Variants in ST3GAL2 observed in about 807,000 individuals in gnomAD.
ST3GAL2 encodes the protein ST3 beta-galactoside alpha-2,3-sialyltransferase 2.
In ST3GAL2, 16 loss-of-function variants were observed where a neutral mutation model predicts 37.5. That is an observed-to-expected ratio of 0.43 (90% CI 0.29 to 0.65). The LOEUF is 0.65. Among genes scored for constraint, ST3GAL2 ranks in the 30% least tolerant of loss-of-function variants. The pLI, the probability that ST3GAL2 is intolerant of heterozygous loss-of-function variation, is 0.17. For missense variants in ST3GAL2, 383 were observed against 487.8 expected (o/e 0.79, Z 2.02); for synonymous variants, 238 against 202.9 (o/e 1.17, Z -1.47).
At chr16:70,430,952 C>T (rs2047785689) in intron 1 of ST3GAL2, among the ~76,000 whole-genome samples, 1 of 152,124 alleles carries the variant, frequency 6.6e-6, no homozygotes, top group Admixed American at 6.6e-5. Context: ...TGCATCAAAT[C>T]GCTGGTGCTT....
chr16:70,412,010 T>A (rs969243825), intron 1 of ST3GAL2, among the ~76,000 whole-genome samples: 5 of 150,038 alleles, frequency 3.3e-5, no homozygotes, highest in African/African-American at 7.4e-5. Context: ...AAAAAAAAAA[T>A]AGTTAATTCA....
At chr16:70,421,114 T>C (rs2047711551) in intron 1 of ST3GAL2, among the ~76,000 whole-genome samples, 1 of 152,056 alleles carries the variant, frequency 6.6e-6, no homozygotes, top group African/African-American at 2.4e-5. Context: ...CCCTGGGAGG[T>C]GGGCTGGGGA....
chr16:70,428,610 G>A (rs1443682175), intron 1 of ST3GAL2, among the ~76,000 whole-genome samples: 1 of 152,118 alleles, frequency 6.6e-6, no homozygotes, highest in Non-Finnish European at 1.5e-5. Context: ...CCTCCCTCTT[G>A]GACACAATCC....
At chr16:70,428,001 C>T (rs2047763264) in intron 1 of ST3GAL2, among the ~76,000 whole-genome samples, 1 of 152,208 alleles carries the variant, frequency 6.6e-6, no homozygotes, top group South Asian at 2.1e-4. Flanking sequence ...AGCCAGACCT[C>T]CCAATGCTCT....
intron 1 of ST3GAL2, among the ~76,000 whole-genome samples, chr16:70,420,011 A>ACCC (rs72523670): frequency 1.7e-5 from 2 of 119,440 alleles, no homozygotes; most frequent in South Asian, 5.0e-4. Flanking sequence ...TGACCATTTG[A>ACCC]CCCCCCCCTT....
At chr16:70,388,853 A>G (rs1032611707) in intron 3 of ST3GAL2, among the ~76,000 whole-genome samples, 1 of 151,548 alleles carries the variant, frequency 6.6e-6, no homozygotes, top group Non-Finnish European at 1.5e-5. Context: ...CTTTGAGGTC[A>G]GGAGTTCGAG....
rs768645826 is a variant in ST3GAL2 at position 70,395,091 on chromosome 16, G to A, written c.424C>T (p.Arg142Cys). The A allele has an allele frequency of 8.7e-6, 14 of 1,613,954 alleles. No homozygotes were observed. The highest frequency in any genetic ancestry group is 1.2e-5 in the Non-Finnish European group (14 of 1,179,950). Residue 142 changes from arginine to cysteine, a missense_variant, in exon 3 of 7, where the codon CGC becomes TGC. By Grantham distance (180) the Arg-to-Cys change is radical. Around this residue, in one of 2 missense-constraint regions of ST3GAL2, gnomAD observed 223 missense variants for 239.1 expected, o/e 0.93. Coordinates refer to ENST00000342907, the MANE Select transcript of ST3GAL2 (RefSeq NM_006927.4). ...CGGCACTGGTGGGGGTCCCGGAAGC[G>A]GTAGGGGTTCTCGCCAGGCACTATC... ...FQIVPGENPY[R>C]FRDPHQCRRC... is the part of the protein sequence containing the mutation.
At chr16:70,429,315 C>A (rs533651776) in intron 1 of ST3GAL2, among the ~76,000 whole-genome samples, 4 of 151,972 alleles carry the variant, frequency 2.6e-5, no homozygotes, top group Non-Finnish European at 5.9e-5. Context: ...TCCCTGAGGC[C>A]GGGTAAGGTG....
chr16:70,418,489 G>A (rs1597572348), intron 1 of ST3GAL2, among the ~76,000 whole-genome samples: 1 of 152,194 alleles, frequency 6.6e-6, no homozygotes, highest in African/African-American at 2.4e-5. Context: ...CTGGTGACAG[G>A]AATACTAACC....
chr16:70,399,738 A>G (rs1285159226), intron 1 of ST3GAL2: 1 of 311,728 alleles, frequency 3.2e-6, no homozygotes, highest in Non-Finnish European at 5.8e-6. Flanking sequence ...AGATTAGCCC[A>G]GAGTCTTCAC....
At chr16:70,429,661 GAC>G (rs1354967525) in intron 1 of ST3GAL2, among the ~76,000 whole-genome samples, 1 of 116,594 alleles carries the variant, frequency 8.6e-6, no homozygotes, top group Non-Finnish European at 1.7e-5. Flanking sequence ...TTTTTTTTGA[GAC>G]AGAGTTTCGC....
At chr16:70,405,415 C>T (rs927646447) in intron 1 of ST3GAL2, among the ~76,000 whole-genome samples, 3 of 151,682 alleles carry the variant, frequency 2.0e-5, no homozygotes, top group Admixed American at 1.3e-4. Context: ...GTGGCGGGAG[C>T]CTGTAGTACC....
At chr16:70,408,861 C>A (rs2047612593) in intron 1 of ST3GAL2, among the ~76,000 whole-genome samples, 1 of 130,592 alleles carries the variant, frequency 7.7e-6, no homozygotes. Context: ...CCCTAACAGC[C>A]TCTTCCTGTA....
intron 3 of ST3GAL2, among the ~76,000 whole-genome samples, chr16:70,390,427 C>T (rs2047474960): frequency 6.6e-6 from 1 of 152,222 alleles, no homozygotes; most frequent in Non-Finnish European, 1.5e-5. Flanking sequence ...GCAGCTTCCA[C>T]TTCACTTGGC....
rs768244186 is a variant in ST3GAL2, at chr16:70,398,483, C to T, written c.48G>A (p.Leu16=). The T allele has an allele frequency of 2.4e-5, 39 of 1,613,066 alleles. No individual in the cohort carries two copies. The highest frequency in any genetic ancestry group is 3.0e-5 in the Non-Finnish European group (35 of 1,179,934). ...TGAAGAGCAGGGACATGATGAACACCAGCAGGAAGGCCACGGAGAGGAACC... is the reference window on the plus strand; with the variant it reads ...TGAAGAGCAGGGACATGATGAACACTAGCAGGAAGGCCACGGAGAGGAACC... The part of the protein sequence containing the change: ...RVWFLSVAFL[L]VFIMSLLFTY... Residue 16 remains leucine (L), a synonymous_variant, in exon 2 of 7, where the codon CTG becomes CTA. Transcript: ENST00000342907.
intron 1 of ST3GAL2, among the ~76,000 whole-genome samples, chr16:70,412,821 C>T (rs535358813): frequency 1.5e-4 from 22 of 150,266 alleles, no homozygotes; most frequent in African/African-American, 4.7e-4. Flanking sequence ...CCTAAGCAGG[C>T]GGATCACTTG....
chr16:70,385,060 C>T (rs1436325776), intron 4 of ST3GAL2, among the ~76,000 whole-genome samples: 2 of 152,064 alleles, frequency 1.3e-5, no homozygotes, highest in Non-Finnish European at 2.9e-5. Context: ...AATCCCAGCA[C>T]TTTGGGAGGC....
chr16:70,403,826 CAA>C (rs1381030881), intron 1 of ST3GAL2, among the ~76,000 whole-genome samples: 2 of 151,668 alleles, frequency 1.3e-5, no homozygotes, highest in Non-Finnish European at 2.9e-5. Flanking sequence ...AACAAACAAA[CAA>C]AAAAGTAAAA....
chr16:70,389,760 A>T (rs1314350931), intron 3 of ST3GAL2, among the ~76,000 whole-genome samples: 2 of 141,296 alleles, frequency 1.4e-5, no homozygotes, highest in Admixed American at 7.1e-5. Context: ...CACCGAGCCC[A>T]GCCATTTTGT....
Sources: allele counts gnomAD v4.1 joint callset (sites outside exome capture counted in the v4.1 genomes callset), GRCh38; gene constraint gnomAD v4.1.1; regional missense constraint gnomAD v4.1.1; transcripts MANE v1.5; gene names NCBI Gene and HGNC (gene_info 2026-07-23, HGNC 2026-07-21).